EPDR1: variants seen among roughly 807,000 people sequenced by gnomAD.
EPDR1 encodes the protein ependymin related 1.
In EPDR1, 27 loss-of-function variants were observed where a neutral mutation model predicts 23.7. The ratio of observed to expected loss-of-function variants is 1.14; its 90% CI spans 0.84 to 1.57. The LOEUF is 1.57. Ranked by LOEUF, EPDR1 falls within the 40% of genes most tolerant of loss-of-function variation. EPDR1 has a pLI of 0.00. For synonymous variants in EPDR1, 137 were observed against 118.2 expected (o/e 1.16, Z -1.03); for missense variants, 349 against 290.4 (o/e 1.20, Z -1.47).
chr7:37,946,629 A>G (rs1009435889), intron 1 of EPDR1, among the ~76,000 whole-genome samples: 2 of 152,204 alleles, frequency 1.3e-5, no homozygotes, highest in East Asian at 3.8e-4. Context: ...AGGTATCCAG[A>G]AGAAAACATT....
At chr7:37,949,830 G>A (rs1163591785) in intron 2 of EPDR1, among the ~76,000 whole-genome samples, 1 of 152,208 alleles carries the variant, frequency 6.6e-6, no homozygotes, top group Non-Finnish European at 1.5e-5. Context: ...AGTAAACCTT[G>A]AGGACATAAT....
chr7:37,941,137 A>T (rs1033534897), intron 1 of EPDR1, among the ~76,000 whole-genome samples: 3 of 152,238 alleles, frequency 2.0e-5, no homozygotes, highest in Non-Finnish European at 4.4e-5. Context: ...TTTGTCATAC[A>T]TTGAATAAAT....
intron 1 of EPDR1, among the ~76,000 whole-genome samples, chr7:37,935,175 A>T (rs911297215): frequency 2.0e-5 from 3 of 152,092 alleles, no homozygotes; most frequent in African/African-American, 7.3e-5. Context: ...CCATGGAGGT[A>T]GAGGGACTAA....
intron 1 of EPDR1, among the ~76,000 whole-genome samples, chr7:37,921,885 A>G (rs991945633): frequency 1.3e-5 from 2 of 152,130 alleles, no homozygotes; most frequent in Non-Finnish European, 2.9e-5. Context: ...TTGCCATTTT[A>G]TTAGCTTGCC....
rs754028889 is a variant in EPDR1 at position 37,948,988 on chromosome 7, G to C, written c.418G>C (p.Gly140Arg). ...CACCTTTGAAGACCAGTACTCCATCGGGGGGCCTCAGGAGCAGATCACCGT... is the reference window on the plus strand; with the variant it reads ...CACCTTTGAAGACCAGTACTCCATCCGGGGGCCTCAGGAGCAGATCACCGT... ...NSTFEDQYSI[G>R]GPQEQITVQE... Residue 140 changes from glycine (G) to arginine (R), a missense_variant, in exon 2 of 3, where the codon GGG (glycine) becomes CGG (arginine). Coordinates refer to ENST00000199448, the MANE Select transcript of EPDR1 (RefSeq NM_017549.5). The C allele has an allele frequency of 6.2e-7, 1 of 1,612,860 alleles. No homozygotes were observed. Among genetic ancestry groups the C allele is most frequent in the East Asian group, 2.2e-5 (1 of 44,862 alleles).
intron 1 of EPDR1, among the ~76,000 whole-genome samples, chr7:37,922,987 G>T (rs570573869): frequency 9.8e-5 from 15 of 152,290 alleles, no homozygotes; most frequent in African/African-American, 3.6e-4. Flanking sequence ...GGGGATGCAG[G>T]TGTATCCATG....
intron 1 of EPDR1, among the ~76,000 whole-genome samples, chr7:37,943,504 C>A (rs1197272438): frequency 6.6e-6 from 1 of 152,204 alleles, no homozygotes; most frequent in Non-Finnish European, 1.5e-5. Context: ...AATATGTTCA[C>A]ATAAACACAC....
chr7:37,939,574 A>T (rs942962608), intron 1 of EPDR1, among the ~76,000 whole-genome samples: 2 of 152,194 alleles, frequency 1.3e-5, no homozygotes, highest in Non-Finnish European at 2.9e-5. Flanking sequence ...TTGGTGCCTC[A>T]AACTAGATCC....
chr7:37,951,099 G>A lies in EPDR1; in HGVS notation c.*703G>A, dbSNP rs1009591550. 5 of 152,200 alleles carry A rather than the reference G, an allele frequency of 3.3e-5. No individual in the cohort carries two copies. Among genetic ancestry groups the A allele is most frequent in the South Asian group, 4.1e-4 (2 of 4,826 alleles). 9.4% of individuals were successfully genotyped at this position (152,200 alleles called of 1,614,324 possible). A position where few individuals can be genotyped will look rare whatever the true frequency, so the allele number is the denominator to read the frequency against. ...CCTAATGTCTACACTGGCATAGCAC[G>A]AGCCATGTAAGCTTCTTTTTTTTCT... On this transcript the variant is annotated 3_prime_UTR_variant, in exon 3 of 3. Coordinates refer to ENST00000199448, the MANE Select transcript of EPDR1 (RefSeq NM_017549.5).
At chr7:37,932,063 C>T (rs1785954116) in intron 1 of EPDR1, among the ~76,000 whole-genome samples, 1 of 152,086 alleles carries the variant, frequency 6.6e-6, no homozygotes, top group Non-Finnish European at 1.5e-5. Flanking sequence ...TTGTTGGTTC[C>T]TTACAGAATC....
At chr7:37,940,183 G>A (rs936538160) in intron 1 of EPDR1, among the ~76,000 whole-genome samples, 2 of 152,180 alleles carry the variant, frequency 1.3e-5, no homozygotes, top group African/African-American at 4.8e-5. Flanking sequence ...TACTCTTTCT[G>A]TAAAGAAGAA....
At chr7:37,931,743 G>A (rs1310193496) in intron 1 of EPDR1, among the ~76,000 whole-genome samples, 1 of 152,072 alleles carries the variant, frequency 6.6e-6, no homozygotes, top group East Asian at 1.9e-4. Context: ...TTGTCACCCA[G>A]GCTGGAGTGA....
rs569465631 is a variant in EPDR1, at chr7:37,946,236, G to T, written c.270-2604G>T. Among the ~76,000 whole-genome samples, 11 of 152,258 alleles carry T rather than the reference G, an allele frequency of 7.2e-5. No individual in the cohort carries two copies. The South Asian group carries it at 1.4e-3, about 20-fold the overall frequency. On this transcript the variant is annotated intron_variant, in intron 1 of 2. Coordinates refer to ENST00000199448, the MANE Select transcript of EPDR1 (RefSeq NM_017549.5). ...AGAATAGAATGATTTATATTCCTTG[G>T]GGTATATACACAGTAATGGGATTGG...
intron 1 of EPDR1, among the ~76,000 whole-genome samples, chr7:37,923,025 T>G (rs1372629385): frequency 6.6e-6 from 1 of 152,014 alleles, no homozygotes; most frequent in East Asian, 1.9e-4. Context: ...ATCCCGGAGT[T>G]TTTAGAGCTG....
At chr7:37,931,530 A>T (rs2472656) in intron 1 of EPDR1, among the ~76,000 whole-genome samples, 30,627 of 151,898 alleles carry the variant, frequency 0.2, 3,356 homozygotes, top group South Asian at 0.38. Context: ...AATAAATAAA[A>T]AAAATAAAAA....
At chr7:37,928,518 A>G (rs913587295) in intron 1 of EPDR1, among the ~76,000 whole-genome samples, 1 of 152,170 alleles carries the variant, frequency 6.6e-6, no homozygotes, top group African/African-American at 2.4e-5. Context: ...ACACCCTCCA[A>G]TCACTTTTGT....
chr7:37,921,690 G>T (rs1343059002), intron 1 of EPDR1, among the ~76,000 whole-genome samples: 2 of 152,172 alleles, frequency 1.3e-5, no homozygotes, highest in Non-Finnish European at 2.9e-5. Flanking sequence ...ATTACAAACG[G>T]TATGGGAAAG....
At chr7:37,921,941 G>C (rs908568015) in intron 1 of EPDR1, among the ~76,000 whole-genome samples, 4 of 152,150 alleles carry the variant, frequency 2.6e-5, no homozygotes, top group African/African-American at 9.7e-5. Flanking sequence ...GGGCAAAGCT[G>C]TAAGTTTCTT....
chr7:37,947,190 C>T (rs1786294136), intron 1 of EPDR1, among the ~76,000 whole-genome samples: 1 of 152,102 alleles, frequency 6.6e-6, no homozygotes, highest in African/African-American at 2.4e-5. Context: ...ATATTTTATC[C>T]CATATTTTTA....
Sources: allele counts gnomAD v4.1 joint callset (sites outside exome capture counted in the v4.1 genomes callset), GRCh38; gene constraint gnomAD v4.1.1; transcripts MANE v1.5; gene names NCBI Gene and HGNC (gene_info 2026-07-23, HGNC 2026-07-21).